CTNND2: variants seen among roughly 807,000 people sequenced by gnomAD.
CTNND2 encodes the protein catenin delta-2.
In CTNND2, 22 loss-of-function variants were observed where a neutral mutation model predicts 144.4. That is an observed-to-expected ratio of 0.15 (90% confidence interval 0.11 to 0.22). The LOEUF (loss-of-function observed/expected upper bound fraction) is 0.22. Among genes scored for constraint, CTNND2 ranks in the 10% least tolerant of loss-of-function variants. CTNND2 has a pLI of 1.00. For synonymous variants in CTNND2, 751 were observed against 695.6 expected, an observed-to-expected ratio of 1.08 and a Z score of -1.25; for missense variants, 1,353 against 1,618.8, an observed-to-expected ratio of 0.84 and a Z score of 2.82.
intron 12 of CTNND2, among the ~76,000 whole-genome samples, chr5:11,128,750 T>TA (rs1350711080): frequency 3.4e-5 from 2 of 58,298 alleles, no homozygotes; most frequent in South Asian, 1.2e-3. Flanking sequence ...TTTATATATA[T>TA]TATATATAAA....
At chr5:11,678,803 G>T (rs1323381220) in intron 2 of CTNND2, among the ~76,000 whole-genome samples, 1 of 151,998 alleles carries the variant, frequency 6.6e-6, no homozygotes, top group East Asian at 1.9e-4. Flanking sequence ...AAATGTTCCG[G>T]CCTATATACG....
intron 12 of CTNND2, among the ~76,000 whole-genome samples, chr5:11,119,209 A>T (rs899427718): frequency 1.3e-5 from 2 of 152,188 alleles, no homozygotes; most frequent in African/African-American, 4.8e-5. Context: ...TTAAGAATTA[A>T]AATAAAATAA....
chr5:11,473,904 G>T (rs1451898506), intron 3 of CTNND2, among the ~76,000 whole-genome samples: 1 of 152,042 alleles, frequency 6.6e-6, no homozygotes. Flanking sequence ...CAAATGTGAT[G>T]AATTTGAACA....
At chr5:11,489,403 T>C (rs32609) in intron 3 of CTNND2, among the ~76,000 whole-genome samples, 41,525 of 152,080 alleles carry the variant, frequency 0.27, 5,980 homozygotes, top group South Asian at 0.4. Flanking sequence ...TTTTTGACCA[T>C]ATTCCTAGAT....
chr5:11,326,707 A>G (rs191056096), intron 9 of CTNND2, among the ~76,000 whole-genome samples: 1 of 152,294 alleles, frequency 6.6e-6, no homozygotes, highest in Admixed American at 6.5e-5. Context: ...GCCAAACTGC[A>G]TGACAATGTG....
chr5:11,135,021 C>T (rs1755994014), intron 12 of CTNND2, among the ~76,000 whole-genome samples: 3 of 152,142 alleles, frequency 2.0e-5, no homozygotes. Context: ...CTAAGTGCTG[C>T]AATCAAAGGA....
intron 2 of CTNND2, among the ~76,000 whole-genome samples, chr5:11,566,614 C>CTACA (rs1313027563): frequency 6.6e-6 from 1 of 152,204 alleles, no homozygotes; most frequent in Non-Finnish European, 1.5e-5. Flanking sequence ...GAAATTCATT[C>CTACA]TTTGTAGCAT....
chr5:11,296,301 T>G (rs1298980501), intron 9 of CTNND2, among the ~76,000 whole-genome samples: 1 of 151,946 alleles, frequency 6.6e-6, no homozygotes, highest in East Asian at 1.9e-4. Context: ...TCACACCAGT[T>G]AGAATGGTGA....
In CTNND2 at chr5:11,346,574, G is replaced by A; in HGVS notation, c.1426C>T (p.His476Tyr). ...GCCGCGGCGGCATTCTGTGGGCCGT[G>A]CTGGCTGCCTGTGCGCTGCAAGGGG... ...SVPLQRTGSQ[H>Y]GPQNAAAATF... is the part of the protein sequence containing the mutation. The change falls in exon 9 of 22, where the codon CAC becomes TAC. Residue 476 changes from histidine to tyrosine, a missense_variant. By Grantham distance (83) the His-to-Tyr change is moderately conservative. Coordinates refer to ENST00000304623, the MANE Select transcript of CTNND2 (RefSeq NM_001332.4). The A allele has an allele frequency of 6.3e-7, 1 of 1,597,166 alleles. No homozygotes were observed. Among genetic ancestry groups the A allele is most frequent in the Non-Finnish European group, 8.5e-7 (1 of 1,171,816 alleles).
intron 14 of CTNND2, among the ~76,000 whole-genome samples, chr5:11,110,137 C>T (rs1242863258): frequency 6.6e-6 from 1 of 152,132 alleles, no homozygotes; most frequent in Non-Finnish European, 1.5e-5. Context: ...GGTTTGGTCT[C>T]TCATGGGCTC....
chr5:11,750,256 A>G (rs1788537923), intron 1 of CTNND2, among the ~76,000 whole-genome samples: 1 of 151,966 alleles, frequency 6.6e-6, no homozygotes. Flanking sequence ...ATTGAGTACA[A>G]GCATTTAAGA....
intron 18 of CTNND2, among the ~76,000 whole-genome samples, chr5:11,016,081 G>A (rs1393412838): frequency 6.6e-6 from 1 of 152,170 alleles, no homozygotes; most frequent in African/African-American, 2.4e-5. Context: ...TCAACCAAAT[G>A]CAGATAAAAA....
intron 2 of CTNND2, among the ~76,000 whole-genome samples, chr5:11,638,250 G>A (rs936135261): frequency 6.6e-6 from 1 of 151,950 alleles, no homozygotes; most frequent in African/African-American, 2.4e-5. Context: ...TCCGCCCATG[G>A]TTCTCTGGTT....
chr5:11,002,823 G>C (rs1740094420), intron 18 of CTNND2, among the ~76,000 whole-genome samples: 1 of 152,084 alleles, frequency 6.6e-6, no homozygotes, highest in Non-Finnish European at 1.5e-5. Flanking sequence ...GAGAGTTTTG[G>C]AAACTTTGTC....
At chr5:11,671,478 T>G (rs953466650) in intron 2 of CTNND2, among the ~76,000 whole-genome samples, 2 of 152,038 alleles carry the variant, frequency 1.3e-5, no homozygotes, top group African/African-American at 4.8e-5. Flanking sequence ...TTCATTTCCT[T>G]TCACTCTTTT....
intron 6 of CTNND2, among the ~76,000 whole-genome samples, chr5:11,393,443 A>G (rs544118150): frequency 6.6e-6 from 1 of 152,226 alleles, no homozygotes; most frequent in Admixed American, 6.5e-5. Context: ...TTTTTGTTTG[A>G]GGGACAAAAT....
chr5:11,167,236 A>G (rs1205499295), intron 11 of CTNND2, among the ~76,000 whole-genome samples: 1 of 152,200 alleles, frequency 6.6e-6, no homozygotes, highest in East Asian at 1.9e-4. Flanking sequence ...ATGGTCCATA[A>G]CACCGTAAAC....
intron 11 of CTNND2, among the ~76,000 whole-genome samples, chr5:11,193,098 C>T (rs10071647): frequency 0.054 from 8,185 of 152,044 alleles, 730 homozygotes; most frequent in African/African-American, 0.19. Flanking sequence ...GAGGCAGCCC[C>T]GAATTCAGGC....
chr5:11,305,594 C>A (rs1750108316), intron 9 of CTNND2, among the ~76,000 whole-genome samples: 1 of 152,188 alleles, frequency 6.6e-6, no homozygotes, highest in Non-Finnish European at 1.5e-5. Flanking sequence ...ATAAAAATGT[C>A]CCTCAGTGTC....
Sources: allele counts gnomAD v4.1 joint callset (sites outside exome capture counted in the v4.1 genomes callset), GRCh38; gene constraint gnomAD v4.1.1; transcripts MANE v1.5; gene names NCBI Gene and HGNC (gene_info 2026-07-23, HGNC 2026-07-21).